Variants in ATRIP observed in about 807,000 individuals in gnomAD.
ATRIP encodes the protein ATR-interacting protein.
Under a neutral mutation model 78.1 loss-of-function variants are expected in ATRIP, and 44 were observed. The observed-to-expected ratio is 0.56, with a 90% CI of 0.44 to 0.72. The LOEUF (loss-of-function observed/expected upper bound fraction) is 0.72, where lower values mean the gene tolerates loss of function less well. Ranked by LOEUF, ATRIP falls within the 30% of genes least tolerant of loss-of-function variation. The pLI is 0.00. For synonymous variants in ATRIP, 388 were observed against 408.9 expected, an observed-to-expected ratio of 0.95 and a Z score of 0.62; for missense variants, 927 against 980.2, an observed-to-expected ratio of 0.95 and a Z score of 0.72.
intron 3 of ATRIP, among the ~76,000 whole-genome samples, chr3:48,452,179 C>T (rs999683131): frequency 3.3e-5 from 5 of 152,184 alleles, no homozygotes; most frequent in Non-Finnish European, 7.3e-5. Context: ...TTTGCTAGAT[C>T]AGAAACTCAA....
Position 48,460,313 on chromosome 3 carries a change from T to G in ATRIP, c.1259T>G (p.Leu420Arg). The G allele has an allele frequency of 6.2e-7, 1 of 1,613,852 alleles. No homozygotes were observed. Reference protein sequence around the residue: ...LCQLPGAVHFLPLVQFFIGLH... With the variant: ...LCQLPGAVHFRPLVQFFIGLH... ...CAGCTTCCTGGAGCCGTGCATTTCC[T>G]CCCCCTTGTACAGTTCTTCATCGGC... Residue 420 changes from leucine (L) to arginine (R), a missense_variant, in exon 8 of 13, where the codon CTC becomes CGC. Physicochemically the swap from Leu to Arg is moderately radical, Grantham distance 102. Coordinates refer to ENST00000320211, the MANE Select transcript of ATRIP (RefSeq NM_130384.3).
At position 48,460,175 on chromosome 3, in the gene ATRIP, C is replaced by T. The variant is rs139437729; in HGVS notation, c.1121C>T (p.Ala374Val). 4.5e-5 allele frequency: 72 copies of T among 1,614,052 alleles called. No homozygotes were observed. The African/African-American group carries it at 8.4e-4, about 19-fold the overall frequency. The change falls in exon 8 of 13, where the codon GCC (alanine) becomes GTC (valine). Residue 374 changes from alanine (A) to valine (V), a missense_variant. Coordinates refer to ENST00000320211, the MANE Select transcript of ATRIP (RefSeq NM_130384.3). Reference sequence around the variant, plus strand: ...TATGATGGGTCATTTTCCCTCTCAGCCCTGAGAGAAGCACAGAACCTGGCA... The same window carrying T: ...TATGATGGGTCATTTTCCCTCTCAGTCCTGAGAGAAGCACAGAACCTGGCA... Reference protein sequence around the residue: ...GSYDGSFSLSALREAQNLAFT... With the variant: ...GSYDGSFSLSVLREAQNLAFT...
chr3:48,460,291 C>G lies in ATRIP; in HGVS notation c.1237C>G (p.Leu413Val). The part of the protein sequence containing the change: ...GGRRAFPLCQ[L>V]PGAVHFLPLV... ...CAGAAGGGCCTTCCCACTCTGCCAG[C>G]TTCCTGGAGCCGTGCATTTCCTCCC... Residue 413 changes from leucine (L) to valine (V), a missense_variant, in exon 8 of 13, where the codon CTT becomes GTT. Transcript: ENST00000320211. 6.2e-7 allele frequency: 1 copy of G among 1,614,098 alleles called. No individual in the cohort carries two copies. The highest frequency in any genetic ancestry group is 2.2e-5 in the East Asian group (1 of 44,882).
In ATRIP at chr3:48,464,961, G is replaced by T; in HGVS notation, c.2186G>T (p.Gly729Val). Residue 729 changes from glycine (G) to valine (V), a missense_variant, in exon 12 of 13, where the codon GGC becomes GTC. Physicochemically the swap from Gly to Val is moderately radical, Grantham distance 109. Coordinates refer to ENST00000320211, the MANE Select transcript of ATRIP (RefSeq NM_130384.3). Reference protein sequence around the residue: ...CLRDTVLLLHGLSQKDKLFMM... With the variant: ...CLRDTVLLLHVLSQKDKLFMM... Reference sequence around the variant, plus strand: ...CGGGACACGGTGCTGCTGCTGCACGGCCTATCGCAGAAGGACAAGCTCTTC... The same window carrying T: ...CGGGACACGGTGCTGCTGCTGCACGTCCTATCGCAGAAGGACAAGCTCTTC... 6.2e-7 allele frequency: 1 copy of T among 1,614,184 alleles called. No individual in the cohort carries two copies. The highest frequency in any genetic ancestry group is 8.5e-7 in the Non-Finnish European group (1 of 1,180,028).
chr3:48,454,227 G>A (rs879213576), intron 3 of ATRIP, 73 bp from the exon 4 acceptor site: 1 of 825,192 alleles, frequency 1.2e-6, no homozygotes, highest in African/African-American at 1.7e-5. Context: ...TTACTGGCTT[G>A]TGATTTTGAA....
At chr3:48,459,711 CT>C in intron 6 of ATRIP, 75 bp from the exon 7 acceptor site, 1 of 1,566,460 alleles carries the variant, frequency 6.4e-7, no homozygotes, top group South Asian at 1.2e-5. Flanking sequence ...CCAAAGAATC[CT>C]TACTGTTTCC....
Position 48,467,150 on chromosome 3 carries a change from A to T in ATRIP, c.*1596A>T. 1 of 1,614,010 alleles carries T rather than the reference A, an allele frequency of 6.2e-7. No homozygotes were observed. The highest frequency in any genetic ancestry group is 8.5e-7 in the Non-Finnish European group (1 of 1,180,016). On this transcript the variant is annotated 3_prime_UTR_variant, in exon 13 of 13. Transcript: ENST00000320211. ...CTGCGCTGAAGGCCCTGGAGCGAGC[A>T]AGCAGCCCCTCAGAACACGGCCCAA...
chr3:48,450,180 T>A lies in ATRIP; in HGVS notation c.381+10T>A. 6.2e-7 allele frequency: 1 copy of A among 1,603,430 alleles called. No individual in the cohort carries two copies. The highest frequency in any genetic ancestry group is 8.5e-7 in the Non-Finnish European group (1 of 1,176,630). On this transcript the variant is annotated intron_variant, in intron 2 of 12. Transcript: ENST00000320211. ...AGAACTTAAAGAAAAGGTAAGTGAC[T>A]TAACTTGTGGTTTTTGTAGCTAATT...
intron 8 of ATRIP, among the ~76,000 whole-genome samples, chr3:48,462,702 CA>C (rs927014785): frequency 2.4e-4 from 34 of 143,502 alleles, no homozygotes; most frequent in South Asian, 1.1e-3. Flanking sequence ...GACTCAGTTT[CA>C]AAAAAAAAAA....
chr3:48,465,243 C>T (rs2040246783), intron 12 of ATRIP, among the ~76,000 whole-genome samples, 160 bp downstream of exon 12: 1 of 152,232 alleles, frequency 6.6e-6, no homozygotes, highest in Admixed American at 6.5e-5. Flanking sequence ...CAGTTCTTCT[C>T]CAAGCATATT....
intron 8 of ATRIP, among the ~76,000 whole-genome samples, chr3:48,462,769 G>T (rs1359573312): frequency 6.6e-6 from 1 of 152,130 alleles, no homozygotes; most frequent in Non-Finnish European, 1.5e-5. Context: ...CATAAAAGTG[G>T]ATTTTCCTTG....
Position 48,459,291 on chromosome 3 carries a change from A to C in ATRIP, c.830-68A>C. ...ACAGCGTGTGTTTTAAACTCATTGC[A>C]TGTAAAAGTTTCTAATATGCCCATG... On this transcript the variant is annotated intron_variant, in intron 5 of 12. Coordinates refer to ENST00000320211, the MANE Select transcript of ATRIP (RefSeq NM_130384.3). 3 of 1,304,748 alleles carry C rather than the reference A, an allele frequency of 2.3e-6. No homozygotes were observed. In the East Asian group the frequency reaches 6.9e-5, roughly 30 times the overall value. The allele number at this position is 1,304,748 out of a possible 1,614,324, so 80.8% of individuals were successfully genotyped here. A position where few individuals can be genotyped will look rare whatever the true frequency, so the allele number is the denominator to read the frequency against.
rs1231910194 is a variant in ATRIP at position 48,464,078 on chromosome 3, A to T, written c.1920A>T (p.Thr640=). ...TGCTGCTGCTGTACATGTACATCACATCACGGCCTGACAGAGTGGCCTTGG... is the reference window on the plus strand; with the variant it reads ...TGCTGCTGCTGTACATGTACATCACTTCACGGCCTGACAGAGTGGCCTTGG... ...CLLLLLYMYI[T]SRPDRVALET... Residue 640 remains threonine, a synonymous_variant, in exon 10 of 13, where the codon ACA becomes ACT. Coordinates refer to ENST00000320211, the MANE Select transcript of ATRIP (RefSeq NM_130384.3). The T allele has an allele frequency of 6.2e-7, 1 of 1,613,894 alleles. No homozygotes were observed. The highest frequency in any genetic ancestry group is 8.5e-7 in the Non-Finnish European group (1 of 1,180,028).
Position 48,446,798 on chromosome 3 carries a change from A to T in ATRIP, c.-48A>T. The T allele has an allele frequency of 7.4e-7, 1 of 1,358,926 alleles. No individual in the cohort carries two copies. The highest frequency in any genetic ancestry group is 9.5e-7 in the Non-Finnish European group (1 of 1,053,432). The allele number at this position is 1,358,926 out of a possible 1,614,324, so 84.2% of individuals were successfully genotyped here. On this transcript the variant is annotated 5_prime_UTR_variant, in exon 1 of 13. Coordinates refer to ENST00000320211, the MANE Select transcript of ATRIP (RefSeq NM_130384.3). ...TGGTCCAGTTCTCCGGCCTGGCGGC[A>T]GGCAAGTCTAGCTCGGCGCTGTCGG...
intron 1 of ATRIP, among the ~76,000 whole-genome samples, chr3:48,447,727 G>A (rs1432282028): frequency 6.6e-6 from 1 of 152,162 alleles, no homozygotes; most frequent in Non-Finnish European, 1.5e-5. Flanking sequence ...CTGTACTTGG[G>A]TGTCTCAAGG....
intron 8 of ATRIP, among the ~76,000 whole-genome samples, chr3:48,463,450 C>A (rs2040173924): frequency 6.6e-6 from 1 of 151,822 alleles, no homozygotes; most frequent in African/African-American, 2.4e-5. Context: ...CATGTGGAAG[C>A]CAGGCATCCC....
In ATRIP at chr3:48,457,348, G is replaced by T. The variant is rs376399335; in HGVS notation, c.761G>T (p.Ser254Ile). Reference protein sequence around the residue: ...KTSFPTKESFSANMSLPHPCQ... With the variant: ...KTSFPTKESFIANMSLPHPCQ... ...TCTTTTCCTACAAAGGAGTCTTTTAGTGCTAACATGTCCCTTCCCCACCCC... is the reference window on the plus strand; with the variant it reads ...TCTTTTCCTACAAAGGAGTCTTTTATTGCTAACATGTCCCTTCCCCACCCC... The change falls in exon 5 of 13, where the codon AGT (serine) becomes ATT (isoleucine). Residue 254 changes from serine (S) to isoleucine (I), a missense_variant. Ser to Ile is a moderately radical substitution (Grantham distance 142). Transcript: ENST00000320211. 6.2e-7 allele frequency: 1 copy of T among 1,608,310 alleles called. No individual in the cohort carries two copies. Among genetic ancestry groups the T allele is most frequent in the African/African-American group, 1.3e-5 (1 of 74,612 alleles).
intron 1 of ATRIP, among the ~76,000 whole-genome samples, chr3:48,449,506 C>G (rs1412768964): frequency 5.9e-5 from 9 of 151,474 alleles, no homozygotes; most frequent in Non-Finnish European, 1.3e-4. Flanking sequence ...AGATCTTTCC[C>G]TGCTTTGCTC....
intron 1 of ATRIP, chr3:48,447,355 G>C: frequency 8.8e-7 from 1 of 1,141,666 alleles, no homozygotes; most frequent in Non-Finnish European, 1.1e-6. Flanking sequence ...TAGGCCACTT[G>C]GTTCTTGGTT....
Sources: allele counts gnomAD v4.1 joint callset (sites outside exome capture counted in the v4.1 genomes callset), GRCh38; gene constraint gnomAD v4.1.1; transcripts MANE v1.5; gene names NCBI Gene and HGNC (gene_info 2026-07-23, HGNC 2026-07-21).